Variants in PPFIBP2 observed in about 807,000 individuals in gnomAD.
PPFIBP2 encodes the protein liprin-beta-2.
In PPFIBP2, 118 loss-of-function variants were observed where a neutral mutation model predicts 118.3. The observed-to-expected ratio is 1.00, with a 90% CI of 0.86 to 1.16. The LOEUF (loss-of-function observed/expected upper bound fraction) is 1.16. Among genes scored for constraint, PPFIBP2 ranks in the 50% most tolerant of loss-of-function variants. The pLI, the probability that PPFIBP2 is intolerant of heterozygous loss-of-function variation, is 0.00. For synonymous variants in PPFIBP2, 414 were observed against 397.4 expected (o/e 1.04, Z -0.50); for missense variants, 1,195 against 1,073.1 (o/e 1.11, Z -1.59).
At chr11:7,597,240 T>C in intron 4 of PPFIBP2, 1 of 1,530,092 alleles carries the variant, frequency 6.5e-7, no homozygotes, top group Non-Finnish European at 8.7e-7. Flanking sequence ...GGGGCTGTTC[T>C]GGAAGAGGAA....
downstream of PPFIBP2, among the ~76,000 whole-genome samples, chr11:7,659,413 A>T (rs1335427169): frequency 7.0e-6 from 1 of 143,118 alleles, no homozygotes; most frequent in African/African-American, 2.6e-5. Context: ...TCCTTTCCCC[A>T]TTGCTTGTTT....
chr11:7,575,187 T>G (rs1856136564), intron 3 of PPFIBP2, among the ~76,000 whole-genome samples: 3 of 152,306 alleles, frequency 2.0e-5, no homozygotes, highest in African/African-American at 7.2e-5. Flanking sequence ...TATTCTTTCA[T>G]CCAAAAAATG....
chr11:7,555,069 A>G (rs192461514), intron 2 of PPFIBP2, among the ~76,000 whole-genome samples: 3 of 152,106 alleles, frequency 2.0e-5, no homozygotes, highest in Admixed American at 2.0e-4. Flanking sequence ...TTGCTTAATT[A>G]CCTCCCTCTG....
At chr11:7,605,490 C>T (rs1847226653) in intron 5 of PPFIBP2, among the ~76,000 whole-genome samples, 1 of 152,182 alleles carries the variant, frequency 6.6e-6, no homozygotes, top group Non-Finnish European at 1.5e-5. Context: ...TGTACAGAAA[C>T]CAACTGGCAT....
intron 6 of PPFIBP2, among the ~76,000 whole-genome samples, chr11:7,611,579 A>G (rs1026843119): frequency 1.3e-5 from 2 of 152,264 alleles, no homozygotes; most frequent in Admixed American, 1.3e-4. Flanking sequence ...CTAAGAGTCC[A>G]GGCTGATGAA....
downstream of PPFIBP2, chr11:7,656,911 T>G (rs941742883): frequency 9.4e-5 from 72 of 768,252 alleles, no homozygotes; most frequent in Non-Finnish European, 1.3e-4. Flanking sequence ...GCTGGCAGGG[T>G]GTCTCAGACA....
chr11:7,666,842 T>G, the PPFIBP2 span: 1 of 282,418 alleles, frequency 3.5e-6, no homozygotes. Context: ...CTGGCCAGGA[T>G]GGCTTCACTC....
the PPFIBP2 span, chr11:7,665,598 T>G: frequency 2.7e-5 from 41 of 1,539,034 alleles, no homozygotes; most frequent in Non-Finnish European, 3.6e-5. Context: ...GTGGAGTTCC[T>G]GATCCCAGGC....
chr11:7,618,197 C>G (rs10769810), intron 6 of PPFIBP2, among the ~76,000 whole-genome samples: 150,897 of 152,322 alleles, frequency 0.99, 74,761 homozygotes, highest in Middle Eastern at 1. Context: ...TAAAGGACAG[C>G]GGGGAAATAG....
intron 1 of PPFIBP2, among the ~76,000 whole-genome samples, chr11:7,541,839 G>A (rs1283866160): frequency 6.6e-6 from 1 of 152,092 alleles, no homozygotes; most frequent in Non-Finnish European, 1.5e-5. Context: ...TGCTCCTGCA[G>A]GCCTCCACAT....
chr11:7,565,422 C>A, intron 2 of PPFIBP2, 131 bp from the exon 3 acceptor site: 2 of 909,290 alleles, frequency 2.2e-6, no homozygotes, highest in Non-Finnish European at 3.5e-6. Context: ...AGGCGTGCAC[C>A]GCCATGCCCA....
intron 3 of PPFIBP2, 121 bp downstream of exon 3, chr11:7,565,888 C>A: frequency 8.9e-7 from 1 of 1,127,072 alleles, no homozygotes; most frequent in Non-Finnish European, 1.3e-6. Context: ...TTCTTCCATC[C>A]CACTTTGGCC....
chr11:7,601,030 A>G (rs368915665), intron 5 of PPFIBP2, among the ~76,000 whole-genome samples: 2 of 152,318 alleles, frequency 1.3e-5, no homozygotes, highest in African/African-American at 2.4e-5. Context: ...GGGAAAGCCA[A>G]ATCAATGAGG....
chr11:7,578,235 G>A (rs1856745917), intron 3 of PPFIBP2, among the ~76,000 whole-genome samples: 1 of 152,216 alleles, frequency 6.6e-6, no homozygotes, highest in Admixed American at 6.5e-5. Context: ...GACGTTGGGG[G>A]CTGGAGTAGC....
intron 3 of PPFIBP2, chr11:7,571,907 G>C (rs1394057821): frequency 6.6e-6 from 1 of 152,194 alleles, no homozygotes; most frequent in African/African-American, 2.4e-5. Flanking sequence ...AGGTCAGCAT[G>C]GGCTTCATAT....
chr11:7,599,369 T>C (rs1860983956), intron 5 of PPFIBP2, among the ~76,000 whole-genome samples: 1 of 152,218 alleles, frequency 6.6e-6, no homozygotes, highest in Admixed American at 6.5e-5. Flanking sequence ...AGGAAGGCTA[T>C]GCTGGGAGAG....
chr11:7,591,992 A>G (rs1002056495), intron 3 of PPFIBP2, among the ~76,000 whole-genome samples: 2 of 152,190 alleles, frequency 1.3e-5, no homozygotes, highest in Admixed American at 1.3e-4. Context: ...GGCCTAGGAC[A>G]AGGTGGCCCA....
At position 7,516,093 on chromosome 11, in the gene PPFIBP2, G is replaced by C. The variant is rs757382948; in HGVS notation, c.-37+1972G>C. On this transcript the variant is annotated intron_variant, in intron 1 of 23. Transcript: ENST00000299492. ...AATCGCCTGGGGAGTTTTGTAAAAC[G>C]TTCAGATTAAGTAGTCTGGGATGTT... Among the ~76,000 whole-genome samples, 4 of 152,284 alleles carry C rather than the reference G, an allele frequency of 2.6e-5. No homozygotes were observed. The East Asian group carries it at 5.8e-4, about 22-fold the overall frequency.
chr11:7,588,135 C>T (rs958838792), intron 3 of PPFIBP2, among the ~76,000 whole-genome samples: 3 of 152,182 alleles, frequency 2.0e-5, no homozygotes, highest in Non-Finnish European at 4.4e-5. Context: ...AACCAGCTCT[C>T]TGTGCATGAG....
Sources: gnomAD v4.1 joint callset for allele counts (sites outside exome capture counted in the v4.1 genomes callset) on GRCh38, gnomAD v4.1.1 for gene constraint, MANE v1.5 for transcripts, NCBI Gene and HGNC (gene_info 2026-07-23, HGNC 2026-07-21) for gene names.